SUGCT: variants seen among roughly 807,000 people sequenced by gnomAD.
SUGCT encodes the protein succinyl-CoA:glutarate-CoA transferase.
In SUGCT, 41 loss-of-function variants were observed where a neutral mutation model predicts 55.0. That is an observed-to-expected ratio of 0.74 (90% CI 0.58 to 0.97). The LOEUF (loss-of-function observed/expected upper bound fraction) is 0.97. Among genes scored for constraint, SUGCT ranks in the 50% least tolerant of loss-of-function variants. SUGCT has a pLI of 0.00. For synonymous variants in SUGCT, 187 were observed against 200.4 expected, an observed-to-expected ratio of 0.93 and a Z score of 0.56; for missense variants, 568 against 547.8, an observed-to-expected ratio of 1.04 and a Z score of -0.37.
chr7:41,012,355 TG>T, the SUGCT span, among the ~76,000 whole-genome samples: 3 of 152,190 alleles, frequency 2.0e-5, no homozygotes, highest in Non-Finnish European at 4.4e-5. Flanking sequence ...CTAAACGCAG[TG>T]GTTCAGTGTC....
At chr7:40,479,084 A>T (rs145984503) in intron 11 of SUGCT, among the ~76,000 whole-genome samples, 19 of 152,210 alleles carry the variant, frequency 1.2e-4, no homozygotes, top group African/African-American at 4.6e-4. Flanking sequence ...ATACACACAC[A>T]TATATATGTT....
intron 12 of SUGCT, among the ~76,000 whole-genome samples, chr7:40,562,347 G>A (rs1327898923): frequency 6.6e-6 from 1 of 151,870 alleles, no homozygotes; most frequent in East Asian, 1.9e-4. Flanking sequence ...AGAAAATGCA[G>A]GATGGGTCAT....
At chr7:40,147,298 A>G (rs143192803) in intron 1 of SUGCT, among the ~76,000 whole-genome samples, 70 of 151,582 alleles carry the variant, frequency 4.6e-4, no homozygotes, top group African/African-American at 1.5e-3. Context: ...GGGATTTCTT[A>G]CCTCTTTTTG....
At chr7:40,954,698 A>G in the SUGCT span, among the ~76,000 whole-genome samples, 1 of 152,178 alleles carries the variant, frequency 6.6e-6, no homozygotes, top group South Asian at 2.1e-4. Context: ...TGTTTGAGTC[A>G]TGAAGTCTTT....
At chr7:40,151,320 G>A (rs1788560180) in intron 1 of SUGCT, among the ~76,000 whole-genome samples, 1 of 152,178 alleles carries the variant, frequency 6.6e-6, no homozygotes, top group Non-Finnish European at 1.5e-5. Flanking sequence ...ACTGGAGGTG[G>A]CTTCCAGTCG....
chr7:40,720,670 A>G (rs1454440194), intron 12 of SUGCT, among the ~76,000 whole-genome samples: 1 of 152,228 alleles, frequency 6.6e-6, no homozygotes, highest in African/African-American at 2.4e-5. Flanking sequence ...GTTTACTAAT[A>G]ACAGTGTTCT....
intron 13 of SUGCT, among the ~76,000 whole-genome samples, chr7:40,823,046 G>A (rs1219544253): frequency 1.2e-4 from 19 of 152,130 alleles, no homozygotes. Flanking sequence ...TGATTGTGAT[G>A]TCCCTCATAA....
At chr7:40,494,558 G>A (rs1791870449) in intron 11 of SUGCT, among the ~76,000 whole-genome samples, 1 of 152,008 alleles carries the variant, frequency 6.6e-6, no homozygotes, top group Non-Finnish European at 1.5e-5. Flanking sequence ...TAACATTAGT[G>A]GGCTGAAATT....
intron 13 of SUGCT, among the ~76,000 whole-genome samples, chr7:40,779,179 C>A (rs554421376): frequency 3.3e-5 from 5 of 152,320 alleles, no homozygotes; most frequent in African/African-American, 9.6e-5. Context: ...TGGGAATCAA[C>A]TCCCCTCAAT....
chr7:40,820,123 A>G (rs1446197589), intron 13 of SUGCT, among the ~76,000 whole-genome samples: 1 of 152,092 alleles, frequency 6.6e-6, no homozygotes. Flanking sequence ...ATTGGCCTAT[A>G]TCTCTGTTTT....
chr7:40,513,264 C>T (rs1793041647), intron 12 of SUGCT, among the ~76,000 whole-genome samples: 1 of 152,064 alleles, frequency 6.6e-6, no homozygotes, highest in African/African-American at 2.4e-5. Flanking sequence ...CTGGTAAACT[C>T]AAATTCTGAT....
chr7:40,138,418 T>G (rs1327658022), intron 1 of SUGCT, among the ~76,000 whole-genome samples: 1 of 152,228 alleles, frequency 6.6e-6, no homozygotes, highest in Non-Finnish European at 1.5e-5. Flanking sequence ...TAGGTTGATT[T>G]CATATCTTTG....
At chr7:40,668,394 T>C (rs1402041244) in intron 12 of SUGCT, among the ~76,000 whole-genome samples, 1 of 152,226 alleles carries the variant, frequency 6.6e-6, no homozygotes, top group African/African-American at 2.4e-5. Flanking sequence ...TCATTATATG[T>C]AACTGAAGTA....
the SUGCT span, among the ~76,000 whole-genome samples, chr7:40,872,050 TG>T: frequency 7.2e-5 from 11 of 152,050 alleles, no homozygotes; most frequent in African/African-American, 2.7e-4. Flanking sequence ...GGATTGCTAC[TG>T]GCATCCAGGG....
intron 13 of SUGCT, among the ~76,000 whole-genome samples, chr7:40,858,403 C>CAAAAAAAAAAAA (rs58628576): frequency 1.4e-4 from 5 of 34,754 alleles, no homozygotes; most frequent in South Asian, 2.4e-3. Context: ...AATTCCATCT[C>CAAAAAAAAAAAA]AAAAAAAAAA....
At chr7:40,757,129 A>C (rs2128717976) in intron 13 of SUGCT, among the ~76,000 whole-genome samples, 1 of 152,240 alleles carries the variant, frequency 6.6e-6, no homozygotes, top group East Asian at 1.9e-4. Context: ...CTATAACAAT[A>C]AGGTGGGGTA....
At chr7:40,223,510 T>C (rs780929720) in intron 6 of SUGCT, among the ~76,000 whole-genome samples, 1 of 152,200 alleles carries the variant, frequency 6.6e-6, no homozygotes, top group Non-Finnish European at 1.5e-5. Flanking sequence ...AGATAGTTAT[T>C]CTATAAATGA....
intron 13 of SUGCT, among the ~76,000 whole-genome samples, chr7:40,761,503 C>A (rs922727096): frequency 6.6e-6 from 1 of 152,180 alleles, no homozygotes; most frequent in Non-Finnish European, 1.5e-5. Context: ...ATAGTTGTCC[C>A]ACCACAAAAT....
intron 9 of SUGCT, among the ~76,000 whole-genome samples, chr7:40,338,203 T>C (rs1796826307): frequency 6.6e-6 from 1 of 152,214 alleles, no homozygotes; most frequent in Non-Finnish European, 1.5e-5. Flanking sequence ...ATTTCAAGTT[T>C]GGTGAATCTG....
Sources: gnomAD v4.1 joint callset for allele counts (sites outside exome capture counted in the v4.1 genomes callset) on GRCh38, gnomAD v4.1.1 for gene constraint, MANE v1.5 for transcripts, NCBI Gene and HGNC (gene_info 2026-07-23, HGNC 2026-07-21) for gene names.